PSMG4: variants seen among roughly 807,000 people sequenced by gnomAD.
The protein encoded by PSMG4 is proteasome (prosome, macropain) assembly chaperone 4.
In PSMG4, 10 loss-of-function variants were observed where a neutral mutation model predicts 11.0. That is an observed-to-expected ratio of 0.91 (90% CI 0.56 to 1.54). The LOEUF (loss-of-function observed/expected upper bound fraction) is 1.54. Ranked by LOEUF, PSMG4 falls within the 40% of genes most tolerant of loss-of-function variation. The pLI, the probability that PSMG4 is intolerant of heterozygous loss-of-function variation, is 0.00. For synonymous variants in PSMG4, 95 were observed against 71.3 expected, an observed-to-expected ratio of 1.33 and a Z score of -1.68; for missense variants, 198 against 160.9, an observed-to-expected ratio of 1.23 and a Z score of -1.25.
At chr6:3,255,624 A>G (rs139241860), upstream of PSMG4, among the ~76,000 whole-genome samples, 60 of 152,318 alleles carry the variant, frequency 3.9e-4, no homozygotes, top group East Asian at 9.8e-3. Context: ...GCTGTCATCT[A>G]TTTGTAGCTT....
chr6:3,255,368 GTGGA>G (rs767908198), upstream of PSMG4: 7 of 1,428,068 alleles, frequency 4.9e-6, no homozygotes, highest in East Asian at 2.5e-5. Context: ...TTTTCCTGTG[GTGGA>G]TGATGTTTGT....
chr6:3,263,542 CCT>C, intron 1 of PSMG4, 140 bp from the exon 2 acceptor site: 3 of 655,950 alleles, frequency 4.6e-6, no homozygotes, highest in Admixed American at 3.4e-5. Context: ...GGACGCCACC[CCT>C]CTTTCCCTCG....
intron 2 of PSMG4, chr6:3,265,967 C>CATGT (rs1758166591): frequency 6.6e-6 from 1 of 151,100 alleles, no homozygotes; most frequent in Non-Finnish European, 1.5e-5. Context: ...GACGTAAACA[C>CATGT]ATGTCATACA....
chr6:3,264,424 G>T, intron 2 of PSMG4: 1 of 1,476,680 alleles, frequency 6.8e-7, no homozygotes, highest in South Asian at 1.4e-5. Context: ...TCTCCAGTAG[G>T]CCCAGCTGCT....
At chr6:3,264,465 C>T in intron 2 of PSMG4, 1 of 1,402,696 alleles carries the variant, frequency 7.1e-7, no homozygotes, top group Non-Finnish European at 9.4e-7. Context: ...GTGTCTCAGG[C>T]ACAGGACCTG....
intron 1 of PSMG4, among the ~76,000 whole-genome samples, chr6:3,262,468 A>C (rs1050403564): frequency 6.6e-6 from 1 of 152,218 alleles, no homozygotes; most frequent in South Asian, 2.1e-4. Context: ...GTGAAGAAGC[A>C]TACAGTAAAT....
intron 2 of PSMG4, chr6:3,264,454 T>TG: frequency 4.2e-6 from 6 of 1,432,244 alleles, no homozygotes; most frequent in Non-Finnish European, 5.5e-6. Context: ...GAGTCTTCTC[T>TG]GTGTCTCAGG....
At chr6:3,257,555 C>T (rs1173115489), upstream of PSMG4, among the ~76,000 whole-genome samples, 2 of 152,122 alleles carry the variant, frequency 1.3e-5, no homozygotes, top group Admixed American at 1.3e-4. Context: ...TACAATGGAA[C>T]ACTGCTTAGT....
At position 3,259,060 on chromosome 6, in the gene PSMG4, C is replaced by T. The variant is rs751126684; in HGVS notation, c.38C>T (p.Ser13Phe). The stretch of plus-strand genomic sequence containing the variant: ...GTTGTCGCCGCCGGCGGGGACGTCT[C>T]CCTGCACAACTTCAGCGCGAGGCTG... ...GLVVAAGGDV[S>F]LHNFSARLWE... Residue 13 changes from serine to phenylalanine, a missense_variant, in exon 1 of 3, where the codon TCC becomes TTC. Coordinates refer to ENST00000438998, the MANE Select transcript of PSMG4 (RefSeq NM_001128591.2). The T allele has an allele frequency of 4.0e-6, 5 of 1,264,432 alleles. No individual in the cohort carries two copies. The highest frequency in any genetic ancestry group is 2.0e-6 in the Non-Finnish European group (2 of 1,003,186). 78.3% of individuals were successfully genotyped at this position (1,264,432 alleles called of 1,614,324 possible). A position where few individuals can be genotyped will look rare whatever the true frequency, so the allele number is the denominator to read the frequency against.
At chr6:3,257,576 C>T (rs539182847), upstream of PSMG4, among the ~76,000 whole-genome samples, 4 of 152,230 alleles carry the variant, frequency 2.6e-5, no homozygotes, top group Admixed American at 6.5e-5. Flanking sequence ...AATACAAAGA[C>T]ACAAGCCATT....
upstream of PSMG4, among the ~76,000 whole-genome samples, chr6:3,255,499 C>T (rs776167357): frequency 4.6e-5 from 7 of 152,192 alleles, no homozygotes; most frequent in Non-Finnish European, 7.3e-5. Context: ...CCTAAACTGC[C>T]TGGCCAGGTC....
At chr6:3,255,362 C>T (rs908767709), upstream of PSMG4, 81 of 1,436,690 alleles carry the variant, frequency 5.6e-5, no homozygotes, top group Non-Finnish European at 7.0e-5. Flanking sequence ...CTTAATTTTT[C>T]CTGTGGTGGA....
intron 2 of PSMG4, chr6:3,264,985 G>A (rs1266430221): frequency 6.6e-6 from 1 of 152,262 alleles, no homozygotes; most frequent in Non-Finnish European, 1.5e-5. Context: ...AAAGCTGGGT[G>A]GGGTTGCGGA....
Position 3,262,792 on chromosome 6 carries a change from G to GGTTTTT in PSMG4, c.175-892_175-891insGTTTTT, listed in dbSNP as rs10622830. 7.4e-3 allele frequency among the ~76,000 whole-genome samples: 1,053 copies of GGTTTTT among 141,688 alleles called. 12 individuals are homozygous for GGTTTTT. The highest frequency in any genetic ancestry group is 0.021 in the African/African-American group (738 of 34,560). 93.0% of individuals were successfully genotyped at this position (141,688 alleles called of 152,430 possible). On this transcript the variant is annotated intron_variant, in intron 1 of 2. Coordinates refer to ENST00000438998, the MANE Select transcript of PSMG4 (RefSeq NM_001128591.2). ...AATTTTGGCCATATTACCAATAAGT[G>GGTTTTT]TTTTTTTTTTCCCCCTTTGGAAGCT...
intron 2 of PSMG4, 123 bp downstream of exon 2, chr6:3,263,882 C>CTG (rs1758087203): frequency 6.8e-7 from 1 of 1,466,640 alleles, no homozygotes; most frequent in Non-Finnish European, 9.1e-7. Flanking sequence ...CTCATTGCTG[C>CTG]TGGGAAGCAC....
upstream of PSMG4, chr6:3,255,113 C>CA (rs1282170656): frequency 6.4e-7 from 1 of 1,551,078 alleles, no homozygotes; most frequent in Non-Finnish European, 8.7e-7. Context: ...AGCACAACAT[C>CA]ACCAGCTTAC....
upstream of PSMG4, among the ~76,000 whole-genome samples, chr6:3,254,425 T>C (rs144646136): frequency 8.6e-4 from 128 of 149,202 alleles, no homozygotes; most frequent in African/African-American, 3.0e-3. Context: ...TGAGGAGGTA[T>C]GGCTTTGTGC....
chr6:3,264,432 G>T, intron 2 of PSMG4: 2 of 1,470,028 alleles, frequency 1.4e-6, no homozygotes, highest in African/African-American at 2.8e-5. Context: ...AGGCCCAGCT[G>T]CTTCTGCTCT....
intron 2 of PSMG4, chr6:3,267,389 C>G: frequency 4.7e-6 from 2 of 424,360 alleles, no homozygotes; most frequent in Non-Finnish European, 8.3e-6. Flanking sequence ...AACCCTGGGT[C>G]TGGTGGAGAG....
Sources: gnomAD v4.1 joint callset for allele counts (sites outside exome capture counted in the v4.1 genomes callset) on GRCh38, gnomAD v4.1.1 for gene constraint, MANE v1.5 for transcripts, NCBI Gene and HGNC (gene_info 2026-07-23, HGNC 2026-07-21) for gene names.